The following HDAC9 variants were observed in gnomAD, a reference collection of about 807,000 sequenced individuals.
HDAC9 encodes histone deacetylase 9, also known as MEF-2 interacting transcription repressor (MITR) protein.
In HDAC9, 41 loss-of-function variants were observed where a neutral mutation model predicts 139.4. That is an observed-to-expected ratio of 0.29 (90% CI 0.23 to 0.38). The LOEUF (loss-of-function observed/expected upper bound fraction) is 0.38, where lower values mean the gene tolerates loss of function less well. HDAC9 is among the 10% of genes least tolerant of loss of function. The pLI is 1.00. For missense variants in HDAC9, 1,147 were observed against 1,297.0 expected (o/e 0.88, Z 1.78); for synonymous variants, 517 against 476.2 (o/e 1.09, Z -1.12).
At chr7:18,947,055 A>C (rs1206398829) in intron 23 of HDAC9, among the ~76,000 whole-genome samples, 1 of 152,052 alleles carries the variant, frequency 6.6e-6, no homozygotes, top group Non-Finnish European at 1.5e-5. Context: ...TCACAGTGAA[A>C]TACTAGAAAG....
chr7:18,170,252 A>C (rs1174290496), intron 2 of HDAC9, among the ~76,000 whole-genome samples: 1 of 152,182 alleles, frequency 6.6e-6, no homozygotes, highest in African/African-American at 2.4e-5. Context: ...GCTTCATAAA[A>C]GTCTTCTTTT....
chr7:18,794,334 T>A lies in HDAC9; in HGVS notation c.2322+882T>A, dbSNP rs1254063389. Among the ~76,000 whole-genome samples the A allele has an allele frequency of 7.3e-5, 11 of 150,572 alleles. No individual in the cohort carries two copies. In the Middle Eastern group the frequency reaches 0.01, roughly 140 times the overall value. On this transcript the variant is annotated intron_variant, in intron 17 of 25. Transcript: ENST00000686413. ...TTTGTGAAACCAAGATAAAATGTAATTAGGATTACTTTTCTTTATGTCTAG... is the reference window on the plus strand; with the variant it reads ...TTTGTGAAACCAAGATAAAATGTAAATAGGATTACTTTTCTTTATGTCTAG...
intron 22 of HDAC9, among the ~76,000 whole-genome samples, chr7:18,887,530 A>G (rs1220947416): frequency 1.3e-5 from 2 of 152,208 alleles, no homozygotes; most frequent in Non-Finnish European, 2.9e-5. Context: ...CATTATGAGA[A>G]TCAAATGAGG....
In HDAC9 at chr7:18,749,014, A is replaced by G; in HGVS notation, c.1919A>G (p.Tyr640Cys). ...TTCCCTTGTCTTAAAGGAATTGCCTATGACCCCTTGATGCTGAAACACCAG... is the reference window on the plus strand; with the variant it reads ...TTCCCTTGTCTTAAAGGAATTGCCTGTGACCCCTTGATGCTGAAACACCAG... ...LQPGSATGIA[Y>C]DPLMLKHQCV... The change falls in exon 14 of 26, where the codon TAT becomes TGT. Residue 640 changes from tyrosine to cysteine, a missense_variant. Transcript: ENST00000686413. 3.7e-6 allele frequency: 6 copies of G among 1,613,498 alleles called. No individual in the cohort carries two copies. Among genetic ancestry groups the G allele is most frequent in the South Asian group, 1.1e-5 (1 of 90,988 alleles).
At chr7:18,854,167 A>C (rs551231689) in intron 21 of HDAC9, among the ~76,000 whole-genome samples, 1 of 152,310 alleles carries the variant, frequency 6.6e-6, no homozygotes, top group South Asian at 2.1e-4. Flanking sequence ...CCAGAAATGT[A>C]CCAGAAATTT....
intron 1 of HDAC9, among the ~76,000 whole-genome samples, chr7:18,482,853 C>T (rs539106409): frequency 9.2e-5 from 14 of 152,240 alleles, no homozygotes; most frequent in African/African-American, 3.1e-4. Flanking sequence ...ACTGAAGGCC[C>T]TTCTTCCCAG....
At position 18,757,891 on chromosome 7, in the gene HDAC9, G is replaced by C. The variant is rs373742579; in HGVS notation, c.2044-4266G>C. 1.8e-4 allele frequency among the ~76,000 whole-genome samples: 28 copies of C among 152,258 alleles called. No individual in the cohort carries two copies. The South Asian group carries it at 5.4e-3, about 29-fold the overall frequency. The stretch of plus-strand genomic sequence containing the variant: ...CTTTAAGAAAGAACCATGGTGTGTT[G>C]TGAGACTCAATGATATGGTCATTTT... On this transcript the variant is annotated intron_variant, in intron 14 of 25. Transcript: ENST00000686413.
chr7:18,879,120 A>G (rs1799536636), intron 22 of HDAC9, among the ~76,000 whole-genome samples: 1 of 152,152 alleles, frequency 6.6e-6, no homozygotes, highest in South Asian at 2.1e-4. Context: ...AAACATCTCT[A>G]CAATGAGAAT....
intron 1 of HDAC9, among the ~76,000 whole-genome samples, chr7:18,361,819 A>AG (rs200062727): frequency 6.7e-5 from 9 of 134,284 alleles, no homozygotes; most frequent in African/African-American, 1.7e-4. Context: ...GGAGAGAGAG[A>AG]AAAAAAAAAA....
At chr7:18,540,151 T>TA (rs1812330606) in intron 2 of HDAC9, among the ~76,000 whole-genome samples, 1 of 144,836 alleles carries the variant, frequency 6.9e-6, no homozygotes, top group Admixed American at 6.9e-5. Context: ...TGGGTGCCTG[T>TA]AATCCCAGCT....
intron 1 of HDAC9, among the ~76,000 whole-genome samples, chr7:18,380,238 T>C (rs1785313057): frequency 6.6e-6 from 1 of 152,150 alleles, no homozygotes; most frequent in Non-Finnish European, 1.5e-5. Context: ...AATTGATATA[T>C]AGTAAATAGG....
intron 22 of HDAC9, among the ~76,000 whole-genome samples, chr7:18,886,499 C>G (rs1018165257): frequency 2.0e-5 from 3 of 152,170 alleles, no homozygotes; most frequent in African/African-American, 7.2e-5. Context: ...GAATGTCTCT[C>G]ACACTTGATG....
At chr7:18,593,809 A>C in intron 5 of HDAC9, 99 bp from the exon 6 acceptor site, 3 of 1,280,768 alleles carry the variant, frequency 2.3e-6, no homozygotes, top group Non-Finnish European at 3.3e-6. Flanking sequence ...GAGCATAAAC[A>C]TAGCTGAGGC....
chr7:18,239,676 A>T (rs1030414532), intron 2 of HDAC9, among the ~76,000 whole-genome samples: 1 of 152,190 alleles, frequency 6.6e-6, no homozygotes, highest in African/African-American at 2.4e-5. Flanking sequence ...GAAATACGTG[A>T]TAAATTTTAG....
At chr7:18,617,174 C>T (rs973493407) in intron 6 of HDAC9, among the ~76,000 whole-genome samples, 1 of 152,116 alleles carries the variant, frequency 6.6e-6, no homozygotes, top group South Asian at 2.1e-4. Flanking sequence ...CAGTTATTAA[C>T]CACTGATTCC....
intron 1 of HDAC9, among the ~76,000 whole-genome samples, chr7:18,451,445 GTGTA>G (rs1473115871): frequency 1.3e-4 from 20 of 150,748 alleles, no homozygotes; most frequent in African/African-American, 4.9e-4. Context: ...GTGTGTGTGT[GTGTA>G]TATGTATATA....
chr7:18,573,066 G>T (rs966417468), intron 2 of HDAC9, among the ~76,000 whole-genome samples: 2 of 152,246 alleles, frequency 1.3e-5, no homozygotes, highest in African/African-American at 4.8e-5. Context: ...AGTCATTTGC[G>T]GTTATTTTTG....
rs5882655 is a variant in HDAC9, at chr7:18,293,308, CTT to C, written c.-42+2804_-42+2805del. ...CACTGTTATGTCACATTCTTAGATTCTTTTTTTTTTTTATTATACTTTAAGTT... is the reference window on the plus strand; with the variant it reads ...CACTGTTATGTCACATTCTTAGATTCTTTTTTTTTTATTATACTTTAAGTT... On this transcript the variant is annotated intron_variant, in intron 1 of 3. Coordinates refer to the HDAC9 transcript ENST00000413509. 5.2e-3 allele frequency among the ~76,000 whole-genome samples: 779 copies of C among 148,736 alleles called. 3 individuals carry two copies. Among genetic ancestry groups the C allele is most frequent in the African/African-American group, 7.6e-3 (310 of 40,852 alleles).
At chr7:18,442,791 C>A (rs372517555) in intron 1 of HDAC9, among the ~76,000 whole-genome samples, 1 of 152,112 alleles carries the variant, frequency 6.6e-6, no homozygotes, top group Non-Finnish European at 1.5e-5. Flanking sequence ...GTCAAGATAG[C>A]GCCTGGTTAA....
Sources: gnomAD v4.1 joint callset for allele counts (sites outside exome capture counted in the v4.1 genomes callset) on GRCh38, gnomAD v4.1.1 for gene constraint, MANE v1.5 for transcripts, NCBI Gene and HGNC (gene_info 2026-07-23, HGNC 2026-07-21) for gene names.